Variants in AEN observed in about 807,000 individuals in gnomAD.
AEN encodes the protein apoptosis-enhancing nuclease.
Under a neutral mutation model 17.7 loss-of-function variants are expected in AEN, and 21 were observed. That is an observed-to-expected ratio of 1.19 (90% CI 0.84 to 1.71). AEN has a LOEUF of 1.71. Ranked by LOEUF, AEN falls within the 40% of genes most tolerant of loss-of-function variation. AEN has a pLI of 0.00. For missense variants in AEN, 462 were observed against 435.9 expected (o/e 1.06, Z -0.53); for synonymous variants, 190 against 173.0 (o/e 1.10, Z -0.77).
chr15:88,610,778 T>C, the AEN span, among the ~76,000 whole-genome samples: 3 of 152,298 alleles, frequency 2.0e-5, no homozygotes, highest in East Asian at 5.8e-4. Flanking sequence ...GGAAGGGTAA[T>C]TATCCTTCAG....
chr15:88,625,967 T>C (rs1294904209), intron 1 of AEN, among the ~76,000 whole-genome samples, 179 bp from the exon 2 acceptor site: 1 of 152,142 alleles, frequency 6.6e-6, no homozygotes, highest in Non-Finnish European at 1.5e-5. Context: ...TTCACCTGTG[T>C]TTACAGTATG....
chr15:88,613,572 T>C, the AEN span, among the ~76,000 whole-genome samples: 1 of 130,966 alleles, frequency 7.6e-6, no homozygotes, highest in East Asian at 2.2e-4. Flanking sequence ...TGTGTCTCAG[T>C]GAAACAAGCA....
chr15:88,617,497 C>T (rs928012378), upstream of AEN, among the ~76,000 whole-genome samples: 2 of 152,210 alleles, frequency 1.3e-5, no homozygotes, highest in Non-Finnish European at 2.9e-5. Context: ...AGGTGATTCA[C>T]CCGCCTTGGC....
At chr15:88,629,520 C>T in intron 3 of AEN, 94 bp downstream of exon 3, 1 of 1,435,732 alleles carries the variant, frequency 7.0e-7, no homozygotes, top group Non-Finnish European at 9.5e-7. Flanking sequence ...TGTCTCCAGC[C>T]TCCTTGTCAT....
chr15:88,617,327 C>T (rs147227629), upstream of AEN, among the ~76,000 whole-genome samples: 1 of 152,140 alleles, frequency 6.6e-6, no homozygotes, highest in Non-Finnish European at 1.5e-5. Context: ...AATCTTGGCT[C>T]GCTGCAACCT....
Position 88,626,480 on chromosome 15 carries a change from G to T in AEN, c.271G>T (p.Ala91Ser). The change falls in exon 2 of 4, where the codon GCC becomes TCC. Residue 91 changes from alanine (A) to serine (S), a missense_variant. Transcript: ENST00000332810. ...GTGTCTGAGGGCTGGATCTGGCAGT[G>T]CCCCATGCAGCAGAAGGCCTGCTCC... ...KQCLRAGSGS[A>S]PCSRRPAPGK... 1.2e-6 allele frequency: 2 copies of T among 1,614,024 alleles called. No individual in the cohort carries two copies. The highest frequency in any genetic ancestry group is 1.7e-6 in the Non-Finnish European group (2 of 1,180,026).
chr15:88,609,298 C>G, the AEN span, among the ~76,000 whole-genome samples: 2 of 152,134 alleles, frequency 1.3e-5, no homozygotes, highest in Admixed American at 1.3e-4. Flanking sequence ...TAGGGCTGAA[C>G]AAATGTTTGA....
chr15:88,605,253 G>A, the AEN span: 4 of 152,406 alleles, frequency 2.6e-5, no homozygotes, highest in African/African-American at 9.6e-5. This position sits in a 1 kb window ranked among gnomAD's most constrained non-coding sequence, Gnocchi z 7.6. Context: ...CTTGCAGTTT[G>A]TTTCGCTCGG....
chr15:88,629,423 C>A lies in AEN; in HGVS notation c.738C>A (p.Ile246=). The A allele has an allele frequency of 2.5e-6, 4 of 1,613,154 alleles. No homozygotes were observed. The highest frequency in any genetic ancestry group is 1.7e-4 in the Middle Eastern group (1 of 6,046). The change falls in exon 3 of 4, where the codon ATC becomes ATA. Residue 246 remains isoleucine (I), a synonymous_variant. Coordinates refer to ENST00000332810, the MANE Select transcript of AEN (RefSeq NM_022767.4). The part of the protein sequence containing the change: ...DLALQLLHKK[I]QVGQHGHSSV... ...CCCTGCAGCTGCTGCACAAGAAGAT[C>A]CAGGTGCGTGGTGGGAGAGTGGCTG...
chr15:88,611,805 G>C, the AEN span: 1 of 484,762 alleles, frequency 2.1e-6, no homozygotes, highest in South Asian at 1.6e-5. Flanking sequence ...GGTGGTCCTC[G>C]AACGCCTTGC....
At chr15:88,614,275 A>G in the AEN span, among the ~76,000 whole-genome samples, 2 of 149,496 alleles carry the variant, frequency 1.3e-5, no homozygotes, top group Non-Finnish European at 3.0e-5. Context: ...TCTCGGCTCA[A>G]TGCAACCCCA....
chr15:88,609,523 AAGAG>A, the AEN span, among the ~76,000 whole-genome samples: 9 of 152,320 alleles, frequency 5.9e-5, no homozygotes, highest in Middle Eastern at 0.014. Context: ...CATGAGGTAA[AAGAG>A]AGGAGGGGTT....
At chr15:88,607,682 C>T in the AEN span, among the ~76,000 whole-genome samples, 1 of 152,204 alleles carries the variant, frequency 6.6e-6, no homozygotes, top group Non-Finnish European at 1.5e-5. Flanking sequence ...GAACCATAAA[C>T]ACACAGGTCT....
At chr15:88,615,678 T>C in the AEN span, among the ~76,000 whole-genome samples, 1 of 152,160 alleles carries the variant, frequency 6.6e-6, no homozygotes, top group African/African-American at 2.4e-5. Flanking sequence ...CCCCTGACTT[T>C]CTGGGCCCCA....
chr15:88,611,720 C>G, the AEN span: 1 of 311,804 alleles, frequency 3.2e-6, no homozygotes, highest in African/African-American at 2.3e-5. Flanking sequence ...CAAAGATGAA[C>G]TTAGTAATAG....
rs2057856854 is a variant in AEN, at chr15:88,626,563, G to A, written c.354G>A (p.Val118=). ...SKCVAIDCEM[V]GTGPRGRVSE... ...GTGTGGCTATCGACTGTGAGATGGT[G>A]GGCACGGGACCCCGAGGGCGGGTAA... Residue 118 remains valine, a synonymous_variant, in exon 2 of 4, where the codon GTG becomes GTA. Coordinates refer to ENST00000332810, the MANE Select transcript of AEN (RefSeq NM_022767.4). 4 of 1,614,054 alleles carry A rather than the reference G, an allele frequency of 2.5e-6. No individual in the cohort carries two copies. Among genetic ancestry groups the A allele is most frequent in the Middle Eastern group, 1.6e-4 (1 of 6,084 alleles).
At chr15:88,629,997 C>A in intron 3 of AEN, 61 bp from the exon 4 acceptor site, 1 of 1,544,232 alleles carries the variant, frequency 6.5e-7, no homozygotes, top group Non-Finnish European at 8.9e-7. Flanking sequence ...GGCCTTGCTT[C>A]TTGGGGTAAC....
intron 1 of AEN, chr15:88,621,838 G>A (rs1457612783): frequency 6.6e-6 from 1 of 152,230 alleles, no homozygotes; most frequent in Non-Finnish European, 1.5e-5. Context: ...TGTGGCTTGA[G>A]GGTAGGGGTC....
chr15:88,623,491 C>A (rs1311175829), intron 1 of AEN, among the ~76,000 whole-genome samples: 1 of 152,204 alleles, frequency 6.6e-6, no homozygotes, highest in Non-Finnish European at 1.5e-5. Context: ...TGAAGAGGAC[C>A]TGCCACATGC....
Sources: gnomAD v4.1 joint callset for allele counts (sites outside exome capture counted in the v4.1 genomes callset) on GRCh38, gnomAD v4.1.1 for gene constraint, Gnocchi (gnomAD v3.1) non-coding constraint, MANE v1.5 for transcripts, NCBI Gene and HGNC (gene_info 2026-07-23, HGNC 2026-07-21) for gene names.